The following DLEU7 variants were observed in gnomAD, a reference collection of about 807,000 sequenced individuals.
DLEU7 encodes the protein leukemia-associated protein 7.
Under a neutral mutation model 16.0 loss-of-function variants are expected in DLEU7, and 17 were observed. The ratio of observed to expected loss-of-function variants is 1.06; its 90% CI spans 0.73 to 1.59. The LOEUF is 1.59. DLEU7 is among the 40% of genes most tolerant of loss of function. The pLI is 0.00. For missense variants in DLEU7, 308 were observed against 314.9 expected (o/e 0.98, Z 0.17); for synonymous variants, 113 against 139.8 (o/e 0.81, Z 1.35).
At chr13:50,757,870 G>A (rs773538119) in intron 1 of DLEU7, among the ~76,000 whole-genome samples, 4 of 152,196 alleles carry the variant, frequency 2.6e-5, no homozygotes, top group African/African-American at 9.6e-5. Context: ...CTCCAGGAAA[G>A]AGAGAAGCAC....
At chr13:50,780,648 G>C (rs1875624380) in intron 1 of DLEU7, among the ~76,000 whole-genome samples, 1 of 152,182 alleles carries the variant, frequency 6.6e-6, no homozygotes, top group Admixed American at 6.5e-5. Flanking sequence ...AGGCTACATA[G>C]TTGCTGAAGT....
At chr13:50,786,085 T>C (rs1566250655) in intron 1 of DLEU7, among the ~76,000 whole-genome samples, 2 of 152,194 alleles carry the variant, frequency 1.3e-5, no homozygotes, top group African/African-American at 2.4e-5. Context: ...AAGGAGACTT[T>C]CGTGTGACAT....
chr13:50,780,743 G>C (rs922081545), intron 1 of DLEU7, among the ~76,000 whole-genome samples: 33 of 152,318 alleles, frequency 2.2e-4, no homozygotes, highest in African/African-American at 7.2e-4. Context: ...GCACAGGGCA[G>C]AGGGAGGTGG....
At chr13:50,838,067 T>C (rs1485345415) in intron 1 of DLEU7, among the ~76,000 whole-genome samples, 1 of 151,860 alleles carries the variant, frequency 6.6e-6, no homozygotes, top group Non-Finnish European at 1.5e-5. Flanking sequence ...TGCTTATTAT[T>C]TTTTTTTACC....
chr13:50,762,587 T>C (rs2137746792), intron 1 of DLEU7, among the ~76,000 whole-genome samples: 1 of 152,226 alleles, frequency 6.6e-6, no homozygotes, highest in South Asian at 2.1e-4. Context: ...TTGCATTCTT[T>C]TCACAACTTT....
Position 50,843,475 on chromosome 13 carries a change from G to A in DLEU7, c.172C>T (p.Arg58Trp). ...TCGCGCCCGGGCCCCGGCCGGGCCC[G>A]CGGCGGGCCTGAGCGACGGGCTGGA... Reference protein sequence around the residue: ...TAPARRSGPPRARPGPGREER... With the variant: ...TAPARRSGPPWARPGPGREER... Residue 58 changes from arginine (R) to tryptophan (W), a missense_variant, in exon 1 of 2, where the codon CGG becomes TGG. By Grantham distance (101) the Arg-to-Trp change is moderately radical. Coordinates refer to ENST00000504404, the MANE Select transcript of DLEU7 (RefSeq NM_001306135.2). The surrounding 1 kb of genome is among the most constrained non-coding windows in gnomAD (Gnocchi z 5.7). The A allele has an allele frequency of 1.5e-6, 2 of 1,328,360 alleles. No homozygotes were observed. Among genetic ancestry groups the A allele is most frequent in the Non-Finnish European group, 9.6e-7 (1 of 1,047,010 alleles). The allele number at this position is 1,328,360 out of a possible 1,614,324, so 82.3% of individuals were successfully genotyped here.
At chr13:50,735,065 T>C (rs1454623659) in intron 1 of DLEU7, among the ~76,000 whole-genome samples, 1 of 152,062 alleles carries the variant, frequency 6.6e-6, no homozygotes, top group Non-Finnish European at 1.5e-5. Flanking sequence ...AAAGGGACAT[T>C]TCATAATGAT....
At chr13:50,759,276 C>T (rs1566241363) in intron 1 of DLEU7, among the ~76,000 whole-genome samples, 1 of 152,202 alleles carries the variant, frequency 6.6e-6, no homozygotes, top group Non-Finnish European at 1.5e-5. Flanking sequence ...ACTGACATAA[C>T]ATACTAGCTG....
At chr13:50,840,071 T>C (rs1877596281) in intron 1 of DLEU7, 1 of 152,204 alleles carries the variant, frequency 6.6e-6, no homozygotes, top group African/African-American at 2.4e-5. Flanking sequence ...TTAGTTCAAG[T>C]GAGTCTTCCT....
chr13:50,756,035 G>A lies in DLEU7; in HGVS notation c.460-42795C>T, dbSNP rs540495965. Among the ~76,000 whole-genome samples, 3 of 152,312 alleles carry A rather than the reference G, an allele frequency of 2.0e-5. No homozygotes were observed. The East Asian group carries it at 5.8e-4, about 29-fold the overall frequency. ...TCCCCACCTCCAGGCTGGTACTGGG[G>A]GTTGTCTGCACAGAGTCCTGTGATG... is the stretch of plus-strand genomic sequence containing the variant. On this transcript the variant is annotated intron_variant, in intron 1 of 1. Coordinates refer to the DLEU7 transcript ENST00000400393.
intron 1 of DLEU7, among the ~76,000 whole-genome samples, chr13:50,801,178 C>T (rs371012233): frequency 7.9e-5 from 12 of 152,228 alleles, no homozygotes; most frequent in African/African-American, 2.9e-4. Flanking sequence ...AAGAGACCAA[C>T]ATGCTCATCT....
chr13:50,729,538 G>T (rs188227866), intron 1 of DLEU7, among the ~76,000 whole-genome samples: 1 of 151,778 alleles, frequency 6.6e-6, no homozygotes, highest in African/African-American at 2.4e-5. Flanking sequence ...ATTCCTTTAG[G>T]TATTTACCTA....
At chr13:50,785,756 G>A (rs570088590) in intron 1 of DLEU7, among the ~76,000 whole-genome samples, 19 of 152,270 alleles carry the variant, frequency 1.2e-4, no homozygotes, top group African/African-American at 3.4e-4. Flanking sequence ...ACTTCAAAAC[G>A]TCATGGGAAG....
intron 1 of DLEU7, among the ~76,000 whole-genome samples, chr13:50,771,891 G>A (rs894551570): frequency 2.0e-5 from 3 of 152,088 alleles, no homozygotes; most frequent in Admixed American, 6.5e-5. Flanking sequence ...ATTATTGTGT[G>A]GGAGTCTAAG....
chr13:50,800,872 A>G (rs1876228161), intron 1 of DLEU7, among the ~76,000 whole-genome samples: 1 of 152,042 alleles, frequency 6.6e-6, no homozygotes, highest in Non-Finnish European at 1.5e-5. Flanking sequence ...CTGGTGTTTT[A>G]GTGGTTAGTT....
Position 50,843,288 on chromosome 13 carries a change from G to A in DLEU7, c.359C>T (p.Ala120Val). ...CTLAQMAMRS[A>V]LARVVDSTSE... ...AGTCGAGTCCACCACGCGGGCCAGC[G>A]CGCTGCGCATCGCCATCTGGGCCAG... Residue 120 changes from alanine (A) to valine (V), a missense_variant, in exon 1 of 2, where the codon GCG becomes GTG. Physicochemically the swap from Ala to Val is moderately conservative, Grantham distance 64. Transcript: ENST00000504404. The surrounding 1 kb of genome is among the most constrained non-coding windows in gnomAD (Gnocchi z 5.7). 1.9e-6 allele frequency: 3 copies of A among 1,568,744 alleles called. No individual in the cohort carries two copies. The highest frequency in any genetic ancestry group is 1.9e-4 in the Middle Eastern group (1 of 5,136).
At chr13:50,720,928 G>C (rs1873586271) in intron 1 of DLEU7, among the ~76,000 whole-genome samples, 1 of 152,180 alleles carries the variant, frequency 6.6e-6, no homozygotes, top group African/African-American at 2.4e-5. Context: ...CAGTGTGATG[G>C]TTAATATTGA....
rs149395576 is a variant in DLEU7, at chr13:50,720,012, C to A, written c.460-6772G>T. Among the ~76,000 whole-genome samples, 391 of 152,208 alleles carry A rather than the reference C, an allele frequency of 2.6e-3. 1 individual carries two copies. The highest frequency in any genetic ancestry group is 8.7e-3 in the African/African-American group (363 of 41,538). ...GAATATCTGTTGACTTGGGGATTTG[C>A]TAACAAAGTTGAAAAACAAGCAAAT... On this transcript the variant is annotated intron_variant, in intron 1 of 1. Transcript: ENST00000400393.
At chr13:50,761,882 G>A (rs1368421173) in intron 1 of DLEU7, among the ~76,000 whole-genome samples, 1 of 152,050 alleles carries the variant, frequency 6.6e-6, no homozygotes, top group Non-Finnish European at 1.5e-5. Context: ...TACCAAATAA[G>A]TAGAGATTCT....
Sources: gnomAD v4.1 joint callset for allele counts (sites outside exome capture counted in the v4.1 genomes callset) on GRCh38, gnomAD v4.1.1 for gene constraint, Gnocchi (gnomAD v3.1) non-coding constraint, MANE v1.5 for transcripts, NCBI Gene and HGNC (gene_info 2026-07-23, HGNC 2026-07-21) for gene names.